Variants in SLC25A13 observed in about 807,000 individuals in gnomAD.
SLC25A13 encodes the protein solute carrier family 25 member 13, also known as electrogenic aspartate/glutamate antiporter SLC25A13, mitochondrial.
Under a neutral mutation model 85.5 loss-of-function variants are expected in SLC25A13, and 70 were observed. The ratio of observed to expected loss-of-function variants is 0.82; its 90% CI spans 0.68 to 1.00. SLC25A13 has a LOEUF of 1.00. SLC25A13 is among the 50% of genes least tolerant of loss of function. The probability of loss-of-function intolerance (pLI) is 0.00; values close to 1 mark genes in which losing one functional copy is unlikely to be tolerated. For synonymous variants in SLC25A13, 259 were observed against 288.7 expected (o/e 0.90, Z 1.04); for missense variants, 765 against 819.8 (o/e 0.93, Z 0.82).
chr7:96,223,128 C>T (rs1043629754), intron 4 of SLC25A13, among the ~76,000 whole-genome samples: 1 of 151,900 alleles, frequency 6.6e-6, no homozygotes, highest in Non-Finnish European at 1.5e-5. Flanking sequence ...TTACAAACAA[C>T]CATAGCCATT....
chr7:96,129,961 A>C (rs1791951072), intron 15 of SLC25A13, among the ~76,000 whole-genome samples: 1 of 152,232 alleles, frequency 6.6e-6, no homozygotes, highest in South Asian at 2.1e-4. Context: ...AAATGAGTAA[A>C]AATGTTAAAT....
At chr7:96,128,982 C>CTCTCTCTCTCTCTCTCTG (rs1791882582) in intron 15 of SLC25A13, among the ~76,000 whole-genome samples, 1 of 148,224 alleles carries the variant, frequency 6.7e-6, no homozygotes, top group African/African-American at 2.5e-5. Context: ...CTCTCTCTCT[C>CTCTCTCTCTCTCTCTCTG]AGACTTTGCT....
chr7:96,130,618 AT>A (rs1470597908), intron 15 of SLC25A13, among the ~76,000 whole-genome samples: 1 of 152,146 alleles, frequency 6.6e-6, no homozygotes, highest in Admixed American at 6.5e-5. Context: ...GGTTCAAAAC[AT>A]TTTCTCATTT....
chr7:96,167,863 G>A (rs1793819035), intron 13 of SLC25A13, among the ~76,000 whole-genome samples: 1 of 152,088 alleles, frequency 6.6e-6, no homozygotes, highest in Non-Finnish European at 1.5e-5. Flanking sequence ...ATTTTGGGAG[G>A]CCAAGGCAGG....
Position 96,189,584 on chromosome 7 carries a change from C to T in SLC25A13, c.845G>A (p.Arg282Lys). ...AAAAAAAAAAAAGCCAACTTACCCC[C>T]TTGGCTCATATAAATCTGCTAACTG... ...LFQLADLYEPRGRMTLADIER... is the reference protein window; with the variant it reads ...LFQLADLYEPKGRMTLADIER... The change falls in exon 8 of 18, where the codon AGG becomes AAG. Residue 282 changes from arginine (R) to lysine (K), a missense_variant. Physicochemically the swap from Arg to Lys is conservative, Grantham distance 26. Coordinates refer to ENST00000265631, the MANE Select transcript of SLC25A13 (RefSeq NM_014251.3). The T allele has an allele frequency of 6.2e-7, 1 of 1,607,896 alleles. No individual in the cohort carries two copies. Among genetic ancestry groups the T allele is most frequent in the Non-Finnish European group, 8.5e-7 (1 of 1,177,938 alleles).
intron 1 of SLC25A13, among the ~76,000 whole-genome samples, chr7:96,319,943 T>C (rs1042312807): frequency 2.0e-5 from 3 of 152,242 alleles, no homozygotes; most frequent in African/African-American, 7.2e-5. Context: ...CTTCTACTAT[T>C]ATGTAGAAGT....
chr7:96,135,691 C>T (rs1208247831), intron 14 of SLC25A13, among the ~76,000 whole-genome samples: 3 of 152,088 alleles, frequency 2.0e-5, no homozygotes, highest in Non-Finnish European at 4.4e-5. Context: ...GAAAAGGCAA[C>T]TTTATAACAA....
chr7:96,226,709 T>G (rs533678675), intron 4 of SLC25A13, among the ~76,000 whole-genome samples: 9 of 152,246 alleles, frequency 5.9e-5, no homozygotes, highest in Non-Finnish European at 5.9e-5. Flanking sequence ...TTCGAAACAC[T>G]AAGTTTAAAG....
At chr7:96,315,465 CA>C (rs1158954467) in intron 1 of SLC25A13, among the ~76,000 whole-genome samples, 1 of 152,156 alleles carries the variant, frequency 6.6e-6, no homozygotes, top group Non-Finnish European at 1.5e-5. Context: ...AGAGCAGTGC[CA>C]AAAGCAAAGG....
chr7:96,261,290 A>G (rs1797844082), intron 3 of SLC25A13, among the ~76,000 whole-genome samples: 2 of 152,218 alleles, frequency 1.3e-5, no homozygotes. Context: ...TGTTTGCTAT[A>G]TAAAAGCACA....
At chr7:96,144,901 G>A (rs1792716299) in intron 14 of SLC25A13, among the ~76,000 whole-genome samples, 1 of 152,122 alleles carries the variant, frequency 6.6e-6, no homozygotes, top group Non-Finnish European at 1.5e-5. Context: ...CAGTACCTAA[G>A]TGCTTTTTAC....
intron 3 of SLC25A13, among the ~76,000 whole-genome samples, chr7:96,254,335 T>C (rs1338011928): frequency 1.3e-5 from 2 of 152,158 alleles, no homozygotes; most frequent in Non-Finnish European, 2.9e-5. Context: ...ATGGATCTAC[T>C]CCTGCTCTCA....
chr7:96,315,202 AC>A (rs1388866631), intron 1 of SLC25A13, among the ~76,000 whole-genome samples: 1 of 152,016 alleles, frequency 6.6e-6, no homozygotes, highest in Non-Finnish European at 1.5e-5. Flanking sequence ...ACCCCTACAT[AC>A]CCCTCCTTTG....
intron 6 of SLC25A13, 109 bp from the exon 7 acceptor site, chr7:96,191,356 C>T (rs1794842777): frequency 1.7e-6 from 2 of 1,169,474 alleles, no homozygotes; most frequent in Admixed American, 2.1e-5. Context: ...AATGCATGTA[C>T]AAGAAGAAAT....
At chr7:96,190,308 G>A (rs1236458315) in intron 7 of SLC25A13, among the ~76,000 whole-genome samples, 8 of 151,930 alleles carry the variant, frequency 5.3e-5, no homozygotes, top group Non-Finnish European at 8.8e-5. Context: ...AGCCAGGATC[G>A]TCTCAATCTC....
intron 3 of SLC25A13, among the ~76,000 whole-genome samples, chr7:96,259,694 T>C (rs956139232): frequency 1.3e-5 from 2 of 152,124 alleles, no homozygotes; most frequent in Admixed American, 1.3e-4. Context: ...GACCTAGCAA[T>C]CTCATTACTG....
chr7:96,153,261 C>T (rs2116507164), intron 13 of SLC25A13, among the ~76,000 whole-genome samples: 1 of 152,302 alleles, frequency 6.6e-6, no homozygotes, highest in Admixed American at 6.5e-5. Context: ...TCGAATTTGG[C>T]ACAAGAACAA....
intron 14 of SLC25A13, 89 bp downstream of exon 14, chr7:96,146,464 CAAA>C (rs535555964): frequency 8.2e-6 from 12 of 1,458,124 alleles, no homozygotes; most frequent in Non-Finnish European, 1.0e-5. Flanking sequence ...TGTAGAAATG[CAAA>C]AAAAAATGGA....
chr7:96,123,963 G>C (rs1017559171), intron 15 of SLC25A13, among the ~76,000 whole-genome samples: 4 of 152,212 alleles, frequency 2.6e-5, no homozygotes, highest in Admixed American at 2.6e-4. Flanking sequence ...AGCAAGAGGA[G>C]ACTGGGAAAC....
Sources: allele counts gnomAD v4.1 joint callset (sites outside exome capture counted in the v4.1 genomes callset), GRCh38; gene constraint gnomAD v4.1.1; transcripts MANE v1.5; gene names NCBI Gene and HGNC (gene_info 2026-07-23, HGNC 2026-07-21).